The following TRIM35 variants were observed in gnomAD, a reference collection of about 807,000 sequenced individuals.
TRIM35 encodes the protein tripartite motif containing 35, also known as E3 ubiquitin-protein ligase TRIM35.
TRIM35 carries 37 observed loss-of-function variants against 49.1 expected under a neutral mutation model. The ratio of observed to expected loss-of-function variants is 0.75; its 90% confidence interval spans 0.58 to 0.99. The LOEUF (loss-of-function observed/expected upper bound fraction) is 0.99. TRIM35 is among the 50% of genes least tolerant of loss of function. TRIM35 has a pLI of 0.00. For synonymous variants in TRIM35, 302 were observed against 289.3 expected (o/e 1.04, Z -0.45); for missense variants, 648 against 702.7 (o/e 0.92, Z 0.88).
intron 1 of TRIM35, among the ~76,000 whole-genome samples, chr8:27,309,102 G>C (rs1013264259): frequency 6.6e-6 from 1 of 152,216 alleles, no homozygotes; most frequent in Admixed American, 6.5e-5. Flanking sequence ...TGCAGTACCA[G>C]GCATCTGCTG....
chr8:27,304,513 C>A (rs543234196), intron 1 of TRIM35, among the ~76,000 whole-genome samples: 1 of 152,340 alleles, frequency 6.6e-6, no homozygotes, highest in South Asian at 2.1e-4. Flanking sequence ...CCCTGGCCAC[C>A]TCTGTCTCAG....
At chr8:27,308,511 C>G (rs955228285) in intron 1 of TRIM35, among the ~76,000 whole-genome samples, 1 of 152,178 alleles carries the variant, frequency 6.6e-6, no homozygotes, top group Non-Finnish European at 1.5e-5. Flanking sequence ...TTACCCAGTC[C>G]CTTCTTACCA....
At chr8:27,297,756 G>A (rs977084961) in intron 2 of TRIM35, among the ~76,000 whole-genome samples, 2 of 152,224 alleles carry the variant, frequency 1.3e-5, no homozygotes, top group Non-Finnish European at 2.9e-5. Flanking sequence ...AAAGATGCTG[G>A]GCATGTGTTC....
At chr8:27,308,013 G>A (rs1015658210) in intron 1 of TRIM35, among the ~76,000 whole-genome samples, 1 of 152,282 alleles carries the variant, frequency 6.6e-6, no homozygotes, top group East Asian at 1.9e-4. Context: ...GGAGGTAGTA[G>A]AACTGGTCAA....
chr8:27,291,814 G>A (rs2130266891), intron 3 of TRIM35, among the ~76,000 whole-genome samples: 1 of 152,238 alleles, frequency 6.6e-6, no homozygotes, highest in South Asian at 2.1e-4. Flanking sequence ...CATGGCAGAA[G>A]GAAGAAGGGC....
Position 27,311,124 on chromosome 8 carries a change from G to C in TRIM35, c.112C>G (p.His38Asp). 1 of 1,601,368 alleles carries C rather than the reference G, an allele frequency of 6.2e-7. No homozygotes were observed. The highest frequency in any genetic ancestry group is 1.1e-5 in the South Asian group (1 of 88,894). ...CTCACGCACCCGCGGCAGAAGTTGT[G>C]GCCGCAGCGCAGAGTGACTGCGTCG... ...FRDAVTLRCGHNFCRGCVSRC... is the reference protein window; with the variant it reads ...FRDAVTLRCGDNFCRGCVSRC... The change falls in exon 1 of 6, where the codon CAC becomes GAC. Residue 38 changes from histidine to aspartate, a missense_variant. Physicochemically the swap from His to Asp is moderately conservative, Grantham distance 81. Coordinates refer to ENST00000305364, the MANE Select transcript of TRIM35 (RefSeq NM_171982.5).
At chr8:27,310,461 C>T (rs1802902191) in intron 1 of TRIM35, among the ~76,000 whole-genome samples, 1 of 152,252 alleles carries the variant, frequency 6.6e-6, no homozygotes, top group Non-Finnish European at 1.5e-5. Context: ...TGGGCTGCAC[C>T]CACATCCGTG....
At chr8:27,295,476 T>G (rs889688637) in intron 2 of TRIM35, among the ~76,000 whole-genome samples, 1 of 152,142 alleles carries the variant, frequency 6.6e-6, no homozygotes, top group African/African-American at 2.4e-5. Flanking sequence ...CCATCATAAG[T>G]TGAAAAATAG....
Position 27,311,203 on chromosome 8 carries a change from A to C in TRIM35, c.33T>G (p.Pro11=), listed in dbSNP as rs201297009. The C allele has an allele frequency of 3.5e-4, 566 of 1,594,502 alleles. 1 individual carries two copies. The highest frequency in any genetic ancestry group is 3.0e-4 in the Non-Finnish European group (349 of 1,169,198). ...GCAACTCCTCCTTGAAGGAGCGGGA[A>C]GGCCCGGGGGACACGTCGGGACTCC... MERSPDVSPG[P]SRSFKEELLC... Residue 11 remains proline (P), a synonymous_variant, in exon 1 of 6, where the codon CCT becomes CCG. Transcript: ENST00000305364.
At chr8:27,293,356 A>G (rs1026168648) in intron 3 of TRIM35, among the ~76,000 whole-genome samples, 1 of 150,724 alleles carries the variant, frequency 6.6e-6, no homozygotes, top group African/African-American at 2.5e-5. Context: ...CAATAAAAGG[A>G]AAAAAAAATG....
intron 3 of TRIM35, 30 bp downstream of exon 3, chr8:27,294,050 G>T: frequency 1.9e-6 from 3 of 1,604,186 alleles, no homozygotes; most frequent in Non-Finnish European, 1.7e-6. Context: ...ATGTGGCCCT[G>T]TCACTGAATC....
chr8:27,297,662 C>T (rs1802597044), intron 2 of TRIM35, among the ~76,000 whole-genome samples: 1 of 152,044 alleles, frequency 6.6e-6, no homozygotes. Context: ...GAAAATAAAC[C>T]AGGAAATTAT....
intron 3 of TRIM35, among the ~76,000 whole-genome samples, 198 bp downstream of exon 3, chr8:27,293,882 C>T (rs574799221): frequency 1.3e-5 from 2 of 152,116 alleles, no homozygotes; most frequent in East Asian, 1.9e-4. Flanking sequence ...GAAGAAATAA[C>T]AGGGTTTCAA....
At chr8:27,310,086 G>GGA (rs758848373) in intron 1 of TRIM35, among the ~76,000 whole-genome samples, 105 of 152,160 alleles carry the variant, frequency 6.9e-4, no homozygotes, top group Non-Finnish European at 9.6e-4. Flanking sequence ...GGGTCACAAG[G>GGA]GAAAATGCAT....
Position 27,310,831 on chromosome 8 carries a change from C to A in TRIM35, c.405G>T (p.Gln135His). 6.2e-7 allele frequency: 1 copy of A among 1,606,824 alleles called. No homozygotes were observed. The highest frequency in any genetic ancestry group is 8.5e-7 in the Non-Finnish European group (1 of 1,175,138). The change falls in exon 1 of 6, where the codon CAG becomes CAT. Residue 135 changes from glutamine (Q) to histidine (H), a missense_variant. By Grantham distance (24) the Gln-to-His change is conservative. Transcript: ENST00000305364. ...ADPRHQGHRV[Q>H]PVKDTAHDFR... ...AGTCGTGGGCAGTGTCCTTCACCGG[C>A]TGCACGCGGTGCCCCTGGTGTCGGG...
In TRIM35 at chr8:27,307,745, A is replaced by G. The variant is rs139817655; in HGVS notation, c.435+3056T>C. The stretch of plus-strand genomic sequence containing the variant: ...CTGAACAAGGCTCCAGGTGATCTTT[A>G]GAGCTACTTGCTCTGTGACTTTGGA... On this transcript the variant is annotated intron_variant, in intron 1 of 5. Transcript: ENST00000305364. Among the ~76,000 whole-genome samples the G allele has an allele frequency of 5.0e-3, 766 of 152,338 alleles. 9 individuals carry two copies. Among genetic ancestry groups the G allele is most frequent in the African/African-American group, 0.018 (742 of 41,582 alleles).
rs1044135205 is a variant in TRIM35 at position 27,286,547 on chromosome 8, A to G, written c.*1003T>C. 2.0e-5 allele frequency: 4 copies of G among 202,448 alleles called. No individual in the cohort carries two copies. The highest frequency in any genetic ancestry group is 4.0e-5 in the Non-Finnish European group (4 of 98,802). 12.5% of individuals were successfully genotyped at this position (202,448 alleles called of 1,614,324 possible). On this transcript the variant is annotated 3_prime_UTR_variant, in exon 6 of 6. Coordinates refer to ENST00000305364, the MANE Select transcript of TRIM35 (RefSeq NM_171982.5). ...CTATCTCATTTCCTGGTGGGGAAACAGGCCTGGCAAGGAAATAGGCCGAAA... is the reference window on the plus strand; with the variant it reads ...CTATCTCATTTCCTGGTGGGGAAACGGGCCTGGCAAGGAAATAGGCCGAAA...
chr8:27,304,743 G>A (rs1400789587), intron 1 of TRIM35: 1 of 433,138 alleles, frequency 2.3e-6, no homozygotes, highest in Non-Finnish European at 4.5e-6. Flanking sequence ...GAATGCCTGT[G>A]TTTTTTCTGC....
At position 27,288,053 on chromosome 8, in the gene TRIM35, G is replaced by A. The variant is rs777862986; in HGVS notation, c.979C>T (p.His327Tyr). The stretch of plus-strand genomic sequence containing the variant: ...TTCTCCACCTGCACGCGGTAGCCAT[G>A]GTTGGTGACGCTGGTGAGGTCGTCA... ...VSDDLTSVTN[H>Y]GYRVQVENPE... is the part of the protein sequence containing the mutation. The change falls in exon 6 of 6, where the codon CAT (histidine) becomes TAT (tyrosine). Residue 327 changes from histidine (H) to tyrosine (Y), a missense_variant. By Grantham distance (83) the His-to-Tyr change is moderately conservative. Transcript: ENST00000305364. 1.4e-5 allele frequency: 23 copies of A among 1,613,242 alleles called. No homozygotes were observed. The highest frequency in any genetic ancestry group is 1.6e-4 in the Middle Eastern group (1 of 6,084).
Sources: allele counts gnomAD v4.1 joint callset (sites outside exome capture counted in the v4.1 genomes callset), GRCh38; gene constraint gnomAD v4.1.1; transcripts MANE v1.5; gene names NCBI Gene and HGNC (gene_info 2026-07-23, HGNC 2026-07-21).